Variants in ZNF804B observed in about 807,000 individuals in gnomAD.
The protein encoded by ZNF804B is zinc finger 804B.
ZNF804B carries 80 observed loss-of-function variants against 101.4 expected under a neutral mutation model. The observed-to-expected ratio is 0.79, with a 90% CI of 0.66 to 0.95. ZNF804B has a LOEUF of 0.95. ZNF804B is among the 40% of genes least tolerant of loss of function. The pLI, the probability that ZNF804B is intolerant of heterozygous loss-of-function variation, is 0.00. For synonymous variants in ZNF804B, 622 were observed against 558.8 expected, an observed-to-expected ratio of 1.11 and a Z score of -1.59; for missense variants, 1,673 against 1,561.9, an observed-to-expected ratio of 1.07 and a Z score of -1.20.
intron 2 of ZNF804B, among the ~76,000 whole-genome samples, chr7:89,288,756 T>C (rs938454167): frequency 1.3e-5 from 2 of 152,166 alleles, no homozygotes; most frequent in Non-Finnish European, 2.9e-5. Context: ...AAGGGAATGA[T>C]TCAGGATAAA....
intron 1 of ZNF804B, among the ~76,000 whole-genome samples, chr7:89,159,095 A>C (rs1194020912): frequency 1.3e-5 from 2 of 152,120 alleles, no homozygotes; most frequent in African/African-American, 2.4e-5. Context: ...CCTTGAGAGG[A>C]GTGAATTTAC....
At position 89,336,620 on chromosome 7, in the gene ZNF804B, T is replaced by C. The variant is rs746499707; in HGVS notation, c.3638T>C (p.Phe1213Ser). Residue 1213 changes from phenylalanine to serine, a missense_variant, in exon 4 of 4, where the codon TTC becomes TCC. Physicochemically the swap from Phe to Ser is radical, Grantham distance 155 (BLOSUM62 -2). Transcript: ENST00000333190. ...TCTATCACCACCATCCACCACACGT[T>C]CCTGCAGCATTTTGCTGTTTCTGCT... ...HTSITTIHHT[F>S]LQHFAVSASL... The C allele has an allele frequency of 1.9e-6, 3 of 1,614,100 alleles. No homozygotes were observed. The highest frequency in any genetic ancestry group is 3.3e-5 in the Admixed American group (2 of 60,012).
In ZNF804B at chr7:89,220,592, G is replaced by A. The variant is rs145995135; in HGVS notation, c.249+2297G>A. Among the ~76,000 whole-genome samples, 324 of 151,950 alleles carry A rather than the reference G, an allele frequency of 2.1e-3. 1 individual carries two copies. Among genetic ancestry groups the A allele is most frequent in the African/African-American group, 7.1e-3 (296 of 41,498 alleles). On this transcript the variant is annotated intron_variant, in intron 2 of 3. Transcript: ENST00000333190. ...ATTATTTTGAAGCAAGTGCCAGATG[G>A]TATATCATTTTATCTAAAAGTATTT...
chr7:89,104,063 C>T (rs574174817), intron 1 of ZNF804B, among the ~76,000 whole-genome samples: 2 of 152,140 alleles, frequency 1.3e-5, no homozygotes, highest in East Asian at 3.9e-4. Flanking sequence ...ACCATCCTTG[C>T]ATCCCTGGAA....
At position 89,018,325 on chromosome 7, in the gene ZNF804B, C is replaced by G. The variant is rs532634512; in HGVS notation, c.109-199830C>G. Among the ~76,000 whole-genome samples the G allele has an allele frequency of 6.6e-5, 10 of 152,064 alleles. No individual in the cohort carries two copies. The East Asian group carries it at 1.9e-3, about 29-fold the overall frequency. On this transcript the variant is annotated intron_variant, in intron 1 of 3. Transcript: ENST00000333190. ...GTGATGTATCATATTTATTGATTTG[C>G]ATATCTTGTACCATTTTTGTGTTCC...
At chr7:89,093,926 C>T (rs965921064) in intron 1 of ZNF804B, among the ~76,000 whole-genome samples, 5 of 152,208 alleles carry the variant, frequency 3.3e-5, no homozygotes, top group African/African-American at 1.2e-4. Context: ...TGTGGGATAG[C>T]TCCCTTCACT....
At chr7:89,301,598 T>C (rs1298433851) in intron 2 of ZNF804B, among the ~76,000 whole-genome samples, 1 of 151,944 alleles carries the variant, frequency 6.6e-6, no homozygotes, top group Non-Finnish European at 1.5e-5. Flanking sequence ...TCCTCCAGAA[T>C]TTTATCATTA....
At chr7:89,204,694 G>T (rs902429168) in intron 1 of ZNF804B, among the ~76,000 whole-genome samples, 26 of 152,186 alleles carry the variant, frequency 1.7e-4, no homozygotes, top group African/African-American at 6.0e-4. Context: ...CATGTGGCAT[G>T]GATTTGATTA....
At chr7:89,057,024 G>A (rs1472776892) in intron 1 of ZNF804B, among the ~76,000 whole-genome samples, 1 of 152,108 alleles carries the variant, frequency 6.6e-6, no homozygotes, top group African/African-American at 2.4e-5. Context: ...GGAAGAAGCT[G>A]TATTTTCATG....
chr7:88,858,489 C>T (rs187904652), intron 1 of ZNF804B, among the ~76,000 whole-genome samples: 165 of 152,082 alleles, frequency 1.1e-3, no homozygotes, highest in African/African-American at 3.8e-3. Context: ...CAGAGAGGGA[C>T]AGAGAGAATG....
At chr7:89,097,946 C>T (rs1789992857) in intron 1 of ZNF804B, among the ~76,000 whole-genome samples, 3 of 152,152 alleles carry the variant, frequency 2.0e-5, no homozygotes, top group Admixed American at 6.5e-5. Context: ...TGTCATATTG[C>T]TTAGCTGTCA....
At chr7:89,178,612 A>T (rs1788240943) in intron 1 of ZNF804B, among the ~76,000 whole-genome samples, 1 of 152,088 alleles carries the variant, frequency 6.6e-6, no homozygotes, top group African/African-American at 2.4e-5. Flanking sequence ...GTGTCTTATT[A>T]TACTGTTTAT....
At chr7:89,198,319 C>G (rs1456338875) in intron 1 of ZNF804B, among the ~76,000 whole-genome samples, 1 of 151,762 alleles carries the variant, frequency 6.6e-6, no homozygotes, top group African/African-American at 2.4e-5. Context: ...AAATTGATAC[C>G]TTTCATTTTA....
At chr7:88,948,911 A>G (rs1793177939) in intron 1 of ZNF804B, among the ~76,000 whole-genome samples, 1 of 151,924 alleles carries the variant, frequency 6.6e-6, no homozygotes. Flanking sequence ...GTTTTATCTT[A>G]ACTTCTCTAG....
intron 2 of ZNF804B, among the ~76,000 whole-genome samples, chr7:89,220,364 G>A (rs1788985841): frequency 6.6e-6 from 1 of 151,530 alleles, no homozygotes; most frequent in Admixed American, 6.6e-5. Flanking sequence ...TATGTTAATT[G>A]TTCAGATTCA....
chr7:89,156,019 CCTTTCTTTCTTTCTTT>C (rs58720640), intron 1 of ZNF804B, among the ~76,000 whole-genome samples: 4,488 of 121,764 alleles, frequency 0.037, 109 homozygotes, highest in Middle Eastern at 0.049. Context: ...TTCTCTCTTT[CCTTTCTTTCTTTCTTT>C]CTTTCTTTCT....
rs199729481 is a variant in ZNF804B at position 89,245,790 on chromosome 7, CA to C, written c.249+27500del. 2.0e-3 allele frequency among the ~76,000 whole-genome samples: 302 copies of C among 152,144 alleles called. 5 individuals carry two copies. Among genetic ancestry groups the C allele is most frequent in the Admixed American group, 0.018 (270 of 15,274 alleles). ...TAAATCCTGGGAAGGAGAACATGAG[CA>C]AAAAGCCCCTGTGACAGCATCCAGC... On this transcript the variant is annotated intron_variant, in intron 2 of 3. Transcript: ENST00000333190.
intron 2 of ZNF804B, among the ~76,000 whole-genome samples, chr7:89,278,035 T>C (rs891745277): frequency 5.3e-5 from 8 of 152,288 alleles, no homozygotes; most frequent in South Asian, 4.1e-4. Flanking sequence ...TTGTAATGAT[T>C]GCCATTCTAA....
chr7:89,335,404 C>G lies in ZNF804B; in HGVS notation c.2422C>G (p.Gln808Glu). ...TAGATATTGTCACTGCAGAGAAAGA[C>G]AAAAACTGGGCAAAAATCAACAACA... ...KRRYCHCRER[Q>E]KLGKNQQQFS... Residue 808 changes from glutamine (Q) to glutamate (E), a missense_variant, in exon 4 of 4, where the codon CAA becomes GAA. Physicochemically the swap from Gln to Glu is conservative, Grantham distance 29. Transcript: ENST00000333190. The G allele has an allele frequency of 1.2e-6, 2 of 1,613,686 alleles. No homozygotes were observed. Among genetic ancestry groups the G allele is most frequent in the African/African-American group, 1.3e-5 (1 of 74,968 alleles).
Sources: gnomAD v4.1 joint callset for allele counts (sites outside exome capture counted in the v4.1 genomes callset) on GRCh38, gnomAD v4.1.1 for gene constraint, MANE v1.5 for transcripts, NCBI Gene and HGNC (gene_info 2026-07-23, HGNC 2026-07-21) for gene names.